Variants in ZFHX3 observed in about 807,000 individuals in gnomAD.
ZFHX3 encodes the protein zinc finger homeobox 3.
A neutral mutation model predicts 279.1 loss-of-function variants in ZFHX3; 42 were observed. The ratio of observed to expected loss-of-function variants is 0.15; its 90% CI spans 0.12 to 0.19. The LOEUF is 0.19. Among genes scored for constraint, ZFHX3 ranks in the 10% least tolerant of loss-of-function variants. ZFHX3 has a pLI of 1.00. For synonymous variants in ZFHX3, 2,293 were observed against 1,957.8 expected (o/e 1.17, Z -4.52); for missense variants, 4,981 against 4,754.0 (o/e 1.05, Z -1.40).
At chr16:73,694,208 A>C (rs1423430704) in intron 1 of ZFHX3, among the ~76,000 whole-genome samples, 1 of 152,110 alleles carries the variant, frequency 6.6e-6, no homozygotes, top group East Asian at 1.9e-4. Context: ...CTGTAGTCCC[A>C]GCTACTGGGG....
At chr16:72,880,718 A>G (rs532493711) in intron 4 of ZFHX3, among the ~76,000 whole-genome samples, 82 of 152,288 alleles carry the variant, frequency 5.4e-4, no homozygotes, top group Middle Eastern at 3.4e-3. Flanking sequence ...TGATATTCTA[A>G]TTAGAGCAGA....
chr16:73,608,784 T>C (rs1407800260), intron 2 of ZFHX3: 1 of 152,128 alleles, frequency 6.6e-6, no homozygotes, highest in Non-Finnish European at 1.5e-5. Flanking sequence ...CTTAATAGCA[T>C]CCAGATCCAG....
intron 2 of ZFHX3, among the ~76,000 whole-genome samples, chr16:73,662,649 A>G (rs2052797567): frequency 6.6e-6 from 1 of 152,240 alleles, no homozygotes; most frequent in South Asian, 2.1e-4. Flanking sequence ...AAAGATGGGA[A>G]TATGTTTCTT....
intron 1 of ZFHX3, among the ~76,000 whole-genome samples, chr16:73,023,309 A>G (rs1163425643): frequency 1.3e-5 from 2 of 152,222 alleles, no homozygotes; most frequent in African/African-American, 4.8e-5. Context: ...ACAAGCTAAG[A>G]CTGTGCAACC....
At chr16:73,223,189 G>A (rs931559427) in intron 5 of ZFHX3, among the ~76,000 whole-genome samples, 1 of 152,122 alleles carries the variant, frequency 6.6e-6, no homozygotes, top group South Asian at 2.1e-4. Flanking sequence ...AACCCCAAAA[G>A]CATGGTCCAT....
intron 5 of ZFHX3, among the ~76,000 whole-genome samples, chr16:73,211,477 A>G (rs2144910338): frequency 6.6e-6 from 1 of 152,304 alleles, no homozygotes; most frequent in Admixed American, 6.5e-5. Flanking sequence ...GGTAATATAG[A>G]AATGAGCAGA....
At chr16:73,562,452 T>C (rs967341093) in intron 2 of ZFHX3, among the ~76,000 whole-genome samples, 1 of 151,906 alleles carries the variant, frequency 6.6e-6, no homozygotes, top group African/African-American at 2.4e-5. Context: ...AAAAATTAGC[T>C]GGGCGTGGTA....
At chr16:73,228,417 C>T (rs546934406) in intron 5 of ZFHX3, among the ~76,000 whole-genome samples, 1 of 152,184 alleles carries the variant, frequency 6.6e-6, no homozygotes, top group Admixed American at 6.5e-5. Flanking sequence ...AATCCCAGCA[C>T]TTTGGGAGGC....
chr16:72,913,425 G>A (rs1357882984), intron 3 of ZFHX3, among the ~76,000 whole-genome samples: 1 of 152,128 alleles, frequency 6.6e-6, no homozygotes, highest in Non-Finnish European at 1.5e-5. Context: ...CCTCAGTGTG[G>A]GTTTGTCTGA....
Position 73,346,266 on chromosome 16 carries a change from A to C in ZFHX3, c.-1290-27930T>G, listed in dbSNP as rs965555083. Among the ~76,000 whole-genome samples the C allele has an allele frequency of 1.6e-4, 24 of 152,246 alleles. No individual in the cohort carries two copies. The East Asian group carries it at 1.7e-3, about 11-fold the overall frequency. Reference sequence around the variant, plus strand: ...TTTGGGAAACATCTGTCCCTCCCAGACCACTGAAAGCTTGTCTTTGAAAGC... The same window carrying C: ...TTTGGGAAACATCTGTCCCTCCCAGCCCACTGAAAGCTTGTCTTTGAAAGC... On this transcript the variant is annotated intron_variant, in intron 3 of 17. Transcript: ENST00000641206.
At chr16:73,557,094 C>CAAAAAAAAAAAAAAAAAA (rs397766441) in intron 2 of ZFHX3, among the ~76,000 whole-genome samples, 1 of 68,552 alleles carries the variant, frequency 1.5e-5, no homozygotes. Context: ...GACTCCGTCT[C>CAAAAAAAAAAAAAAAAAA]AAAAAAAAAA....
intron 4 of ZFHX3, among the ~76,000 whole-genome samples, chr16:73,261,407 A>G (rs888700922): frequency 1.4e-4 from 21 of 152,324 alleles, no homozygotes; most frequent in African/African-American, 4.3e-4. Flanking sequence ...ATTGGGTAGC[A>G]TGGGGAACAG....
intron 2 of ZFHX3, among the ~76,000 whole-genome samples, chr16:73,517,502 G>GT (rs1489797975): frequency 6.6e-6 from 1 of 152,176 alleles, no homozygotes; most frequent in East Asian, 1.9e-4. Context: ...CACTACCCCA[G>GT]TTTGAGTTAG....
intron 3 of ZFHX3, among the ~76,000 whole-genome samples, chr16:73,415,312 T>C (rs564835712): frequency 4.6e-5 from 7 of 152,216 alleles, no homozygotes; most frequent in South Asian, 2.1e-4. Context: ...CTGCATGTTT[T>C]GTGAGCTTTA....
At chr16:73,177,564 T>G (rs911600452) in intron 5 of ZFHX3, among the ~76,000 whole-genome samples, 1 of 152,224 alleles carries the variant, frequency 6.6e-6, no homozygotes, top group African/African-American at 2.4e-5. Flanking sequence ...ACAGATGTGA[T>G]CTTTCCCAAA....
At chr16:73,247,809 AGT>A (rs1311350692) in intron 5 of ZFHX3, among the ~76,000 whole-genome samples, 2 of 144,098 alleles carry the variant, frequency 1.4e-5, no homozygotes, top group South Asian at 2.2e-4. Flanking sequence ...TTGTATGTGG[AGT>A]GTGTGTGTTT....
chr16:73,687,643 A>G (rs1047676170), intron 1 of ZFHX3, among the ~76,000 whole-genome samples: 4 of 151,874 alleles, frequency 2.6e-5, no homozygotes, highest in African/African-American at 9.7e-5. Context: ...AGAGATCGAG[A>G]CCATCCTGAC....
At chr16:73,075,487 A>G (rs1965877669) in intron 8 of ZFHX3, among the ~76,000 whole-genome samples, 1 of 152,160 alleles carries the variant, frequency 6.6e-6, no homozygotes, top group Non-Finnish European at 1.5e-5. Context: ...CAAATCAGTG[A>G]GGCAGTGTTG....
chr16:73,456,105 C>G (rs1056736388), exon 3 of ZFHX3: 1 of 152,108 alleles, frequency 6.6e-6, no homozygotes, highest in Non-Finnish European at 1.5e-5. Flanking sequence ...GTCCGTCTAA[C>G]GGGGCCAGCG....
Sources: gnomAD v4.1 joint callset for allele counts (sites outside exome capture counted in the v4.1 genomes callset) on GRCh38, gnomAD v4.1.1 for gene constraint, MANE v1.5 for transcripts, NCBI Gene and HGNC (gene_info 2026-07-23, HGNC 2026-07-21) for gene names.